The following TTC29 variants were observed in gnomAD, a reference collection of about 807,000 sequenced individuals.
TTC29 encodes the protein tetratricopeptide repeat domain 29.
In TTC29, 49 loss-of-function variants were observed where a neutral mutation model predicts 58.1. The ratio of observed to expected loss-of-function variants is 0.84; its 90% confidence interval spans 0.67 to 1.07. TTC29 has a LOEUF of 1.07. Among genes scored for constraint, TTC29 ranks in the 50% least tolerant of loss-of-function variants. TTC29 has a pLI of 0.00. For missense variants in TTC29, 582 were observed against 555.6 expected, an observed-to-expected ratio of 1.05 and a Z score of -0.48; for synonymous variants, 209 against 196.8, an observed-to-expected ratio of 1.06 and a Z score of -0.52.
chr4:146,936,787 A>G (rs537892841), intron 4 of TTC29, among the ~76,000 whole-genome samples: 1 of 152,248 alleles, frequency 6.6e-6, no homozygotes, highest in South Asian at 2.1e-4. Flanking sequence ...CCCTTTCAGT[A>G]GAATCCCACA....
intron 7 of TTC29, among the ~76,000 whole-genome samples, chr4:146,870,553 G>T (rs1730864805): frequency 6.6e-6 from 1 of 151,758 alleles, no homozygotes; most frequent in South Asian, 2.1e-4. Context: ...AACAAAAAAT[G>T]ATCCTTTGAA....
intron 8 of TTC29, among the ~76,000 whole-genome samples, chr4:146,842,006 G>GC (rs1205164022): frequency 6.6e-6 from 1 of 151,942 alleles, no homozygotes; most frequent in Admixed American, 6.6e-5. Flanking sequence ...GGGTTATTTT[G>GC]CCCCTGCCAG....
intron 5 of TTC29, among the ~76,000 whole-genome samples, chr4:146,906,343 G>A (rs555328991): frequency 3.1e-4 from 47 of 152,274 alleles, no homozygotes; most frequent in African/African-American, 1.1e-3. Flanking sequence ...GACCTGAGAT[G>A]ACTATTGTTA....
At chr4:146,858,776 T>C (rs1260797207) in intron 8 of TTC29, among the ~76,000 whole-genome samples, 1 of 152,194 alleles carries the variant, frequency 6.6e-6, no homozygotes, top group Non-Finnish European at 1.5e-5. Context: ...AAGAGGAAAC[T>C]AATGTTCAGA....
intron 11 of TTC29, among the ~76,000 whole-genome samples, chr4:146,726,376 C>T (rs763194616): frequency 4.6e-5 from 7 of 151,970 alleles, no homozygotes; most frequent in African/African-American, 7.3e-5. Flanking sequence ...TTGCTTGAAC[C>T]CGGGAGGCGG....
intron 8 of TTC29, among the ~76,000 whole-genome samples, chr4:146,834,231 C>T (rs913015926): frequency 1.2e-4 from 18 of 152,086 alleles, no homozygotes; most frequent in African/African-American, 2.9e-4. Flanking sequence ...TATTATCTAA[C>T]GTAATATAAG....
chr4:146,801,904 G>A lies in TTC29; in HGVS notation c.1330+1553C>T, dbSNP rs550627408. Reference sequence around the variant, plus strand: ...TGAAGCAGGAGAATGGTGTGAACCCGGGAGGCAGAGCTTGCAGTGAGCCGA... The same window carrying A: ...TGAAGCAGGAGAATGGTGTGAACCCAGGAGGCAGAGCTTGCAGTGAGCCGA... On this transcript the variant is annotated intron_variant, in intron 11 of 12. Transcript: ENST00000325106. 2.3e-4 allele frequency among the ~76,000 whole-genome samples: 34 copies of A among 145,846 alleles called. No homozygotes were observed. The South Asian group carries it at 4.6e-3, about 20-fold the overall frequency.
rs1561159597 is a variant in TTC29 at position 146,822,124 on chromosome 4, A to ATTTT, written c.978-1877_978-1876insAAAA. Among the ~76,000 whole-genome samples the ATTTT allele has an allele frequency of 8.6e-3, 1,289 of 149,502 alleles. 13 individuals carry two copies. The highest frequency in any genetic ancestry group is 0.031 in the African/African-American group (1,230 of 39,846). ...AAGTTCAGAAAGTATTTTCTTTTAA[A>ATTTT]AAAAAAAAAAAGGGATACATGTGTA... is the stretch of plus-strand genomic sequence containing the variant. On this transcript the variant is annotated intron_variant, in intron 9 of 12. Transcript: ENST00000325106.
At chr4:146,761,669 G>GT (rs71592468) in intron 11 of TTC29, among the ~76,000 whole-genome samples, 40,018 of 127,550 alleles carry the variant, frequency 0.31, 6,669 homozygotes, top group East Asian at 0.44. Flanking sequence ...AAACAGAGTA[G>GT]TTTTTTTTTT....
chr4:146,872,175 T>C (rs1205147698), intron 7 of TTC29, among the ~76,000 whole-genome samples: 1 of 151,992 alleles, frequency 6.6e-6, no homozygotes, highest in Non-Finnish European at 1.5e-5. Flanking sequence ...CAAGTAGTAC[T>C]AGTACAATTG....
intron 11 of TTC29, among the ~76,000 whole-genome samples, chr4:146,733,622 T>C (rs1744508134): frequency 6.6e-6 from 1 of 152,176 alleles, no homozygotes; most frequent in African/African-American, 2.4e-5. Context: ...TGACTTATTA[T>C]TTAAAATCAA....
intron 6 of TTC29, among the ~76,000 whole-genome samples, chr4:146,887,455 T>C (rs1732062644): frequency 6.6e-6 from 1 of 152,076 alleles, no homozygotes; most frequent in African/African-American, 2.4e-5. Flanking sequence ...TTTATTTGTG[T>C]AGAGTATGAT....
chr4:146,728,841 A>G lies in TTC29; in HGVS notation c.1331-21290T>C, dbSNP rs1744075183. Among the ~76,000 whole-genome samples the G allele has an allele frequency of 3.7e-5, 3 of 80,160 alleles. 1 individual carries two copies. Among genetic ancestry groups the G allele is most frequent in the Non-Finnish European group, 7.6e-5 (3 of 39,216 alleles). The allele number at this position is 80,160 out of a possible 152,430, so 52.6% of individuals were successfully genotyped here. ...TGTATATATACATATATATACACAT[A>G]TATATGTATATATATACACATATAT... is the stretch of plus-strand genomic sequence containing the variant. On this transcript the variant is annotated intron_variant, in intron 11 of 12. Transcript: ENST00000325106.
chr4:146,918,203 A>G (rs547630847), intron 4 of TTC29, among the ~76,000 whole-genome samples: 105 of 151,142 alleles, frequency 6.9e-4, no homozygotes, highest in Admixed American at 9.9e-4. Context: ...CAACATTTTA[A>G]AAGTATATAT....
At chr4:146,926,593 G>A (rs1250718933) in intron 4 of TTC29, among the ~76,000 whole-genome samples, 2 of 152,040 alleles carry the variant, frequency 1.3e-5, no homozygotes, top group Non-Finnish European at 2.9e-5. Context: ...CTCCTGAGTA[G>A]CTGGGATTAC....
rs565640091 is a variant in TTC29, at chr4:146,927,101, A to G, written c.176+10493T>C. On this transcript the variant is annotated intron_variant, in intron 4 of 12. Transcript: ENST00000325106. The stretch of plus-strand genomic sequence containing the variant: ...ATCTCAAAAAAAAAAAAAAGAAAAA[A>G]AAAGACACTTACATTGCAGTTCAGC... Among the ~76,000 whole-genome samples the G allele has an allele frequency of 5.9e-5, 9 of 152,030 alleles. No individual in the cohort carries two copies. The South Asian group carries it at 1.7e-3, about 28-fold the overall frequency.
At chr4:146,945,326 C>T (rs915053802) in intron 1 of TTC29, 1 of 152,152 alleles carries the variant, frequency 6.6e-6, no homozygotes, top group African/African-American at 2.4e-5. Context: ...TATTTCAATA[C>T]AAATGTGACA....
intron 11 of TTC29, among the ~76,000 whole-genome samples, chr4:146,729,111 C>G (rs945216066): frequency 9.9e-5 from 15 of 151,876 alleles, no homozygotes; most frequent in Non-Finnish European, 1.6e-4. Context: ...GTTCATTCTA[C>G]ATTTTGATAT....
chr4:146,862,447 G>A (rs1462111045), intron 8 of TTC29, among the ~76,000 whole-genome samples: 1 of 151,974 alleles, frequency 6.6e-6, no homozygotes, highest in African/African-American at 2.4e-5. Flanking sequence ...CTTTCATCAG[G>A]TCCAGAAAGA....
Sources: gnomAD v4.1 joint callset for allele counts (sites outside exome capture counted in the v4.1 genomes callset) on GRCh38, gnomAD v4.1.1 for gene constraint, MANE v1.5 for transcripts, NCBI Gene and HGNC (gene_info 2026-07-23, HGNC 2026-07-21) for gene names.